SLC9A6: variants seen among roughly 807,000 people sequenced by gnomAD.
SLC9A6 encodes the protein solute carrier family 9 member A6.
Under a neutral mutation model 45.3 loss-of-function variants are expected in SLC9A6, and 6 were observed. The observed-to-expected ratio is 0.13, with a 90% CI of 0.07 to 0.26. SLC9A6 has a LOEUF of 0.26. SLC9A6 is among the 10% of genes least tolerant of loss of function. The pLI, the probability that SLC9A6 is intolerant of heterozygous loss-of-function variation, is 1.00. For synonymous variants in SLC9A6, 191 were observed against 187.7 expected, an observed-to-expected ratio of 1.02 and a Z score of -0.14; for missense variants, 278 against 503.7, an observed-to-expected ratio of 0.55 and a Z score of 4.29.
At chrX:136,007,679 A>G (rs1008182159) in intron 7 of SLC9A6, among the ~76,000 whole-genome samples, 1 of 111,733 alleles carries the variant, frequency 8.9e-6, no homozygotes, top group East Asian at 2.8e-4. Flanking sequence ...AAGGCATAGT[A>G]GTATATATAC....
chrX:135,983,452 C>T (rs1480581939), upstream of SLC9A6: 3 of 108,142 alleles, frequency 2.8e-5, no homozygotes, highest in African/African-American at 1.0e-4. Context: ...AGGAGAAACC[C>T]GGGTGTAGGC....
Position 136,032,197 on chromosome X carries a change from A to G in SLC9A6, c.1582-1217A>G, listed in dbSNP as rs151292857. Among the ~76,000 whole-genome samples, 200 of 112,294 alleles carry G rather than the reference A, an allele frequency of 1.8e-3. 3 individuals carry two copies. The East Asian group carries it at 0.036, about 20-fold the overall frequency. Reference sequence around the variant, plus strand: ...ATTCTCTTGCCTCACCCTTCCAGGTAGCTGAGACTATAGGTGCCTGCCACC... The same window carrying G: ...ATTCTCTTGCCTCACCCTTCCAGGTGGCTGAGACTATAGGTGCCTGCCACC... On this transcript the variant is annotated intron_variant, in intron 15 of 17. Transcript: ENST00000630721.
At chrX:136,016,606 CT>C (rs1556619282) in intron 10 of SLC9A6, 38 bp from the exon 11 acceptor site, 2 of 736,187 alleles carry the variant, frequency 2.7e-6, no homozygotes, top group Non-Finnish European at 4.3e-6. Context: ...AATTATGTAA[CT>C]TTATTTGCTG....
At chrX:135,981,306 C>T (rs1249904718), upstream of SLC9A6, among the ~76,000 whole-genome samples, 2 of 111,147 alleles carry the variant, frequency 1.8e-5, no homozygotes, top group Non-Finnish European at 3.8e-5. Context: ...ACGCCACACA[C>T]TTTTAAACCC....
chrX:136,010,154 C>T, intron 7 of SLC9A6: 1 of 349,354 alleles, frequency 2.9e-6, no homozygotes, highest in Non-Finnish European at 5.1e-6. Flanking sequence ...AAGAATAATA[C>T]TGCACAGTAT....
intron 3 of SLC9A6, 35 bp downstream of exon 3, chrX:135,995,020 G>A: frequency 1.0e-6 from 1 of 955,096 alleles, no homozygotes; most frequent in Non-Finnish European, 1.5e-6. Context: ...AATCTTTTTT[G>A]TGTCTAACTA....
intron 6 of SLC9A6, among the ~76,000 whole-genome samples, chrX:136,001,900 G>A (rs1367259825): frequency 8.9e-6 from 1 of 112,076 alleles, no homozygotes; most frequent in East Asian, 2.8e-4. Flanking sequence ...ATTTTTAAGA[G>A]AGAGAGGAGA....
chrX:136,005,066 G>A (rs1556617795), intron 7 of SLC9A6, among the ~76,000 whole-genome samples: 1 of 111,904 alleles, frequency 8.9e-6, no homozygotes, highest in Non-Finnish European at 1.9e-5. Context: ...ACTAGTAACT[G>A]TTGTCTTATC....
chrX:135,989,373 A>G (rs782076744), intron 2 of SLC9A6, among the ~76,000 whole-genome samples: 1 of 112,201 alleles, frequency 8.9e-6, no homozygotes, highest in Non-Finnish European at 1.9e-5. Context: ...GTGATCACGC[A>G]CTACACTGTG....
intron 11 of SLC9A6, 24 bp downstream of exon 11, chrX:136,016,782 T>C: frequency 2.3e-6 from 2 of 868,892 alleles, no homozygotes; most frequent in Non-Finnish European, 3.4e-6. Context: ...TGTGTTTTAT[T>C]TTGAAAATAT....
chrX:136,012,822 T>C (rs1277410186), intron 8 of SLC9A6, 127 bp from the exon 9 acceptor site: 1 of 553,948 alleles, frequency 1.8e-6, no homozygotes, highest in African/African-American at 2.2e-5. Flanking sequence ...GGTGGTACCT[T>C]ATTCTGAGAT....
rs2071594669 is a variant in SLC9A6, at chrX:136,046,099, A to G, written c.*1375A>G. On this transcript the variant is annotated 3_prime_UTR_variant, in exon 18 of 18. Transcript: ENST00000630721. The stretch of plus-strand genomic sequence containing the variant: ...TTTTGATGTTGATTTTGACCTGTTC[A>G]TGATTCAGAAGAAAAACAAACTTTT... 8.9e-6 allele frequency: 1 copy of G among 112,471 alleles called. No individual in the cohort carries two copies. Among genetic ancestry groups the G allele is most frequent in the African/African-American group, 3.2e-5 (1 of 30,831 alleles). The allele number at this position is 112,471 out of a possible 1,213,427, so 9.3% of individuals were successfully genotyped here. A position where few individuals can be genotyped will look rare whatever the true frequency, so the allele number is the denominator to read the frequency against.
chrX:136,000,281 A>G (rs2089562935), intron 6 of SLC9A6, among the ~76,000 whole-genome samples: 1 of 106,136 alleles, frequency 9.4e-6, no homozygotes, highest in African/African-American at 3.4e-5. Context: ...AAAAAAAAAA[A>G]GATTTTAAAG....
chrX:136,030,353 T>C, intron 15 of SLC9A6, 191 bp downstream of exon 15: 1 of 461,899 alleles, frequency 2.2e-6, no homozygotes, highest in Non-Finnish European at 3.8e-6. Flanking sequence ...CACAGTGCCA[T>C]AGTGTGTGGT....
At chrX:136,010,626 A>C (rs1556618533) in intron 8 of SLC9A6, 43 bp downstream of exon 8, 1 of 1,118,740 alleles carries the variant, frequency 8.9e-7, no homozygotes, top group East Asian at 3.0e-5. Flanking sequence ...AACATAATAT[A>C]GTAGTTGAAT....
At chrX:135,999,055 A>G in intron 6 of SLC9A6, 87 bp downstream of exon 6, 1 of 611,425 alleles carries the variant, frequency 1.6e-6, no homozygotes, top group South Asian at 2.2e-5. Context: ...TTTGAGGTGT[A>G]GAATTCATGA....
upstream of SLC9A6, among the ~76,000 whole-genome samples, chrX:135,981,777 G>A (rs1363679567): frequency 8.9e-6 from 1 of 112,428 alleles, no homozygotes; most frequent in Admixed American, 9.4e-5. Flanking sequence ...AAGCAAGGCA[G>A]GGGGCATTAG....
At chrX:136,010,250 G>A in intron 7 of SLC9A6, 192 bp from the exon 8 acceptor site, 77 of 358,958 alleles carry the variant, frequency 2.1e-4, no homozygotes, top group South Asian at 2.8e-4. Context: ...TAACATTTAA[G>A]GGAAAGCCAA....
At chrX:136,038,598 G>A (rs782445385) in intron 16 of SLC9A6, among the ~76,000 whole-genome samples, 3 of 111,155 alleles carry the variant, frequency 2.7e-5, no homozygotes, top group Non-Finnish European at 5.7e-5. Context: ...CTCTGAAGGA[G>A]TGATAAGATT....
Sources: allele counts gnomAD v4.1 joint callset (sites outside exome capture counted in the v4.1 genomes callset), GRCh38; gene constraint gnomAD v4.1.1; transcripts MANE v1.5; gene names NCBI Gene and HGNC (gene_info 2026-07-23, HGNC 2026-07-21).